Variants in HS3ST4 observed in about 807,000 individuals in gnomAD.
HS3ST4 encodes the protein heparan sulfate glucosamine 3-O-sulfotransferase 4.
In HS3ST4, 17 loss-of-function variants were observed where a neutral mutation model predicts 29.2. That is an observed-to-expected ratio of 0.58 (90% confidence interval 0.40 to 0.87). The LOEUF is 0.87. HS3ST4 is among the 40% of genes least tolerant of loss of function. The probability of loss-of-function intolerance (pLI) is 0.00; values close to 1 mark genes in which losing one functional copy is unlikely to be tolerated. For missense variants in HS3ST4, 627 were observed against 634.5 expected, an observed-to-expected ratio of 0.99 and a Z score of 0.13; for synonymous variants, 314 against 285.7, an observed-to-expected ratio of 1.10 and a Z score of -1.00.
Position 25,831,898 on chromosome 16 carries a change from G to C in HS3ST4, c.734+138747G>C, listed in dbSNP as rs977605603. Among the ~76,000 whole-genome samples, 5 of 152,210 alleles carry C rather than the reference G, an allele frequency of 3.3e-5. 1 individual carries two copies. Among genetic ancestry groups the C allele is most frequent in the Admixed American group, 6.5e-5 (1 of 15,292 alleles). ...AGGCAGGAGGATTGCTGGGGTCCAG[G>C]AGTTTGAGACCAGCCTGGGCAACAT... On this transcript the variant is annotated intron_variant, in intron 1 of 1. Transcript: ENST00000331351.
intron 1 of HS3ST4, among the ~76,000 whole-genome samples, chr16:25,904,811 T>C (rs1968163958): frequency 6.6e-6 from 1 of 152,158 alleles, no homozygotes; most frequent in Non-Finnish European, 1.5e-5. Context: ...ATAAAAAAAG[T>C]ATTTAACTGT....
At chr16:25,707,537 G>A (rs1385628594) in intron 1 of HS3ST4, among the ~76,000 whole-genome samples, 1 of 152,180 alleles carries the variant, frequency 6.6e-6, no homozygotes, top group African/African-American at 2.4e-5. Flanking sequence ...AAATGGAAGA[G>A]GGAGGCAGAG....
chr16:25,967,755 G>C (rs539391206), intron 1 of HS3ST4, among the ~76,000 whole-genome samples: 2 of 152,180 alleles, frequency 1.3e-5, no homozygotes, highest in Non-Finnish European at 2.9e-5. Context: ...GTACCTGCCT[G>C]GTGGTGGAGC....
At chr16:25,773,256 T>C (rs1966844519) in intron 1 of HS3ST4, among the ~76,000 whole-genome samples, 1 of 152,214 alleles carries the variant, frequency 6.6e-6, no homozygotes, top group Non-Finnish European at 1.5e-5. Flanking sequence ...ACTTCTGTGT[T>C]CCTCAGCTCC....
At position 25,770,984 on chromosome 16, in the gene HS3ST4, AT is replaced by A. The variant is rs568852198; in HGVS notation, c.734+77844del. Among the ~76,000 whole-genome samples, 1,278 of 148,160 alleles carry A rather than the reference AT, an allele frequency of 8.6e-3. 27 individuals are homozygous for A. The highest frequency in any genetic ancestry group is 0.02 in the South Asian group (93 of 4,628). On this transcript the variant is annotated intron_variant, in intron 1 of 1. Coordinates refer to ENST00000331351, the MANE Select transcript of HS3ST4 (RefSeq NM_006040.3). ...CACTTATTATGGTCCAACAGCCAGG[AT>A]TTTTTTTTTTAAGTTCTGAGATACA...
chr16:25,725,990 C>A lies in HS3ST4; in HGVS notation c.734+32839C>A, dbSNP rs753309506. 5.3e-4 allele frequency among the ~76,000 whole-genome samples: 81 copies of A among 152,098 alleles called. 1 individual carries two copies. Among genetic ancestry groups the A allele is most frequent in the Admixed American group, 5.3e-3 (81 of 15,266 alleles). On this transcript the variant is annotated intron_variant, in intron 1 of 1. Coordinates refer to ENST00000331351, the MANE Select transcript of HS3ST4 (RefSeq NM_006040.3). Reference sequence around the variant, plus strand: ...TTTATATAATGACCTAGTATAAACACACATGCATTAGAAAAAAAGTTTCAC... The same window carrying A: ...TTTATATAATGACCTAGTATAAACAAACATGCATTAGAAAAAAAGTTTCAC...
chr16:25,744,993 T>A (rs539919774), intron 1 of HS3ST4, among the ~76,000 whole-genome samples: 2 of 151,862 alleles, frequency 1.3e-5, no homozygotes, highest in African/African-American at 4.8e-5. Context: ...CTAATATACA[T>A]CCTAAATGGG....
At chr16:25,745,542 T>A (rs1966679868) in intron 1 of HS3ST4, among the ~76,000 whole-genome samples, 1 of 152,188 alleles carries the variant, frequency 6.6e-6, no homozygotes, top group Non-Finnish European at 1.5e-5. Context: ...TTACTCCCTG[T>A]TCAATAACAT....
chr16:25,712,918 C>T (rs534707664), intron 1 of HS3ST4, among the ~76,000 whole-genome samples: 1 of 152,276 alleles, frequency 6.6e-6, no homozygotes, highest in African/African-American at 2.4e-5. Context: ...GGCCTCTCTC[C>T]TTGGCTTGCA....
intron 1 of HS3ST4, among the ~76,000 whole-genome samples, chr16:26,020,927 A>G (rs1342524735): frequency 6.6e-6 from 1 of 152,218 alleles, no homozygotes; most frequent in African/African-American, 2.4e-5. Flanking sequence ...CTCAGTTTCC[A>G]TATATGTAAA....
intron 1 of HS3ST4, among the ~76,000 whole-genome samples, chr16:26,011,272 A>C (rs1022175101): frequency 2.6e-5 from 4 of 152,204 alleles, no homozygotes; most frequent in East Asian, 1.9e-4. Context: ...AAAAGCATTC[A>C]ATTTTGGCCA....
At chr16:25,879,099 A>G (rs954226593) in intron 1 of HS3ST4, among the ~76,000 whole-genome samples, 5 of 152,222 alleles carry the variant, frequency 3.3e-5, no homozygotes, top group African/African-American at 9.6e-5. Context: ...CACACTGCAC[A>G]TAGCAGACCT....
At chr16:25,916,804 C>T (rs1042221035) in intron 1 of HS3ST4, among the ~76,000 whole-genome samples, 24 of 151,664 alleles carry the variant, frequency 1.6e-4, no homozygotes, top group African/African-American at 2.9e-4. Context: ...CTCAGCCTCC[C>T]GAGTAGCTGG....
At chr16:25,910,023 A>G (rs1464834003) in intron 1 of HS3ST4, among the ~76,000 whole-genome samples, 1 of 152,162 alleles carries the variant, frequency 6.6e-6, no homozygotes, top group African/African-American at 2.4e-5. Flanking sequence ...GAGCCACTGT[A>G]CCAAAGATGT....
intron 1 of HS3ST4, among the ~76,000 whole-genome samples, chr16:25,696,705 G>C (rs1210829580): frequency 6.6e-6 from 1 of 152,188 alleles, no homozygotes; most frequent in Admixed American, 6.5e-5. Flanking sequence ...CTAGGGGAAA[G>C]TAACTCAGGA....
At chr16:25,933,469 T>C in intron 1 of HS3ST4, 3 of 481,660 alleles carry the variant, frequency 6.2e-6, no homozygotes, top group Non-Finnish European at 8.4e-6. Context: ...CACCATTTCT[T>C]AGAGTGGAAC....
At chr16:25,926,820 A>G (rs1295060133) in intron 1 of HS3ST4, among the ~76,000 whole-genome samples, 3 of 152,196 alleles carry the variant, frequency 2.0e-5, no homozygotes, top group Non-Finnish European at 2.9e-5. Flanking sequence ...GTTTGCCCAT[A>G]AGACCCATGC....
chr16:26,065,528 G>A (rs1898532021), intron 1 of HS3ST4, among the ~76,000 whole-genome samples: 1 of 152,078 alleles, frequency 6.6e-6, no homozygotes, highest in African/African-American at 2.4e-5. Context: ...TGGGTAGTGG[G>A]CTTAATACAT....
At chr16:25,849,012 A>G (rs1419662489) in intron 1 of HS3ST4, among the ~76,000 whole-genome samples, 2 of 152,100 alleles carry the variant, frequency 1.3e-5, no homozygotes, top group East Asian at 1.9e-4. Context: ...TTGAATTTCT[A>G]TTTAATCCAT....
Sources: gnomAD v4.1 joint callset for allele counts (sites outside exome capture counted in the v4.1 genomes callset) on GRCh38, gnomAD v4.1.1 for gene constraint, MANE v1.5 for transcripts, NCBI Gene and HGNC (gene_info 2026-07-23, HGNC 2026-07-21) for gene names.